The following POGZ variants were observed in gnomAD, a reference collection of about 807,000 sequenced individuals.
The protein encoded by POGZ is pogo transposable element derived with ZNF domain, also known as pogo transposable element with ZNF domain.
In POGZ, 17 loss-of-function variants were observed where a neutral mutation model predicts 134.6. The ratio of observed to expected loss-of-function variants is 0.13; its 90% CI spans 0.09 to 0.19. POGZ has a LOEUF of 0.19. Ranked by LOEUF, POGZ falls within the 10% of genes least tolerant of loss-of-function variation. The pLI, the probability that POGZ is intolerant of heterozygous loss-of-function variation, is 1.00. For synonymous variants in POGZ, 693 were observed against 657.1 expected (o/e 1.05, Z -0.84); for missense variants, 1,306 against 1,769.7 (o/e 0.74, Z 4.70).
intron 10 of POGZ, among the ~76,000 whole-genome samples, chr1:151,422,844 G>A (rs1295893773): frequency 2.6e-5 from 4 of 152,200 alleles, no homozygotes; most frequent in African/African-American, 9.6e-5. Flanking sequence ...TGCCTGCTTC[G>A]GCCTCCCAAA....
intron 1 of POGZ, among the ~76,000 whole-genome samples, chr1:151,456,060 A>G (rs1484260753): frequency 6.6e-6 from 1 of 152,066 alleles, no homozygotes; most frequent in South Asian, 2.1e-4. Context: ...AGTTTCTTAA[A>G]GGACAGTTAA....
chr1:151,414,500 T>C (rs1224154567), intron 10 of POGZ, among the ~76,000 whole-genome samples: 1 of 152,238 alleles, frequency 6.6e-6, no homozygotes, highest in African/African-American at 2.4e-5. Context: ...TTACATGTGT[T>C]GGCTGGGCAC....
chr1:151,432,988 T>C (rs1272091623), intron 3 of POGZ, among the ~76,000 whole-genome samples: 1 of 152,254 alleles, frequency 6.6e-6, no homozygotes, highest in Non-Finnish European at 1.5e-5. Context: ...AAATTTATGG[T>C]TGAAAAATAT....
At chr1:151,424,706 TTCTCCTGTGTGGTTTCAAAA>T (rs1157521958) in intron 8 of POGZ, among the ~76,000 whole-genome samples, 1 of 152,238 alleles carries the variant, frequency 6.6e-6, no homozygotes, top group African/African-American at 2.4e-5. Context: ...TATAAACCTG[TTCTCCTGTGTGGTTTCAAAA>T]TCTACCACAC....
At chr1:151,407,120 A>T (rs1178943603) in intron 16 of POGZ, 97 bp from the exon 17 acceptor site, 3 of 1,206,544 alleles carry the variant, frequency 2.5e-6, no homozygotes, top group Admixed American at 2.0e-5. Context: ...ATGCCCTCCC[A>T]CTTTCTCCTT....
chr1:151,442,473 G>A (rs1660686728), intron 1 of POGZ: 1 of 243,748 alleles, frequency 4.1e-6, no homozygotes, highest in Non-Finnish European at 7.9e-6. Flanking sequence ...ATTTTGGGAA[G>A]CCGAGGGAGG....
Position 151,406,313 on chromosome 1 carries a change from G to A in POGZ, c.2722C>T (p.Leu908Phe). ...EELLTPLAPALPSPASTATPP... is the reference protein window; with the variant it reads ...EELLTPLAPAFPSPASTATPP... ...GTTGCAGTTGAGGCTGGTGATGGGA[G>A]TGCTGGGGCTAAGGGAGTTAGTAGC... Residue 908 changes from leucine (L) to phenylalanine (F), a missense_variant, in exon 19 of 19, where the codon CTC becomes TTC. Around this residue, in one of 10 missense-constraint regions of POGZ, gnomAD observed 214 missense variants for 255.5 expected, o/e 0.84. Transcript: ENST00000271715. 1 of 1,610,422 alleles carries A rather than the reference G, an allele frequency of 6.2e-7. No homozygotes were observed. Among genetic ancestry groups the A allele is most frequent in the African/African-American group, 1.3e-5 (1 of 74,972 alleles).
chr1:151,455,948 G>A (rs1171722456), intron 1 of POGZ, among the ~76,000 whole-genome samples: 2 of 136,930 alleles, frequency 1.5e-5, no homozygotes, highest in African/African-American at 2.8e-5. Context: ...TCACTATGCT[G>A]ACCAGGCTCA....
At chr1:151,455,549 T>G (rs1024700830) in intron 1 of POGZ, among the ~76,000 whole-genome samples, 6 of 152,252 alleles carry the variant, frequency 3.9e-5, no homozygotes, top group African/African-American at 1.4e-4. Flanking sequence ...TATGTGAATT[T>G]TATCTTTCCA....
intron 1 of POGZ, among the ~76,000 whole-genome samples, chr1:151,447,758 G>A (rs532031270): frequency 4.0e-5 from 6 of 150,270 alleles, no homozygotes; most frequent in African/African-American, 1.5e-4. Context: ...CCAAAGTGCT[G>A]GGATTATAGG....
chr1:151,434,103 G>GT (rs1327244748), intron 3 of POGZ, among the ~76,000 whole-genome samples: 1 of 152,192 alleles, frequency 6.6e-6, no homozygotes. Flanking sequence ...GAGGTCAAGA[G>GT]TTTGAGACCA....
At position 151,406,945 on chromosome 1, in the gene POGZ, G is replaced by C. The variant is rs141399107; in HGVS notation, c.2511C>G (p.Asn837Lys). The C allele has an allele frequency of 2.5e-5, 41 of 1,614,062 alleles. No individual in the cohort carries two copies. In the African/African-American group the frequency reaches 4.4e-4, roughly 17 times the overall value. ...GGATGCTGCTGGATCTGTGAGAGGGGTTGAATACCAAATGCTTGGCCATAG... is the reference window on the plus strand; with the variant it reads ...GGATGCTGCTGGATCTGTGAGAGGGCTTGAATACCAAATGCTTGGCCATAG... Reference protein sequence around the residue: ...GDAMAKHLVFNPSHRSSSILP... With the variant: ...GDAMAKHLVFKPSHRSSSILP... The change falls in exon 17 of 19, where the codon AAC (asparagine) becomes AAG (lysine). Residue 837 changes from asparagine (N) to lysine (K), a missense_variant. Around this residue, in one of 10 missense-constraint regions of POGZ, gnomAD observed 214 missense variants for 255.5 expected, o/e 0.84. Coordinates refer to ENST00000271715, the MANE Select transcript of POGZ (RefSeq NM_015100.4).
intron 10 of POGZ, among the ~76,000 whole-genome samples, chr1:151,419,348 C>T (rs1424808419): frequency 6.6e-6 from 1 of 150,712 alleles, no homozygotes; most frequent in Non-Finnish European, 1.5e-5. Context: ...GGTGACAGAG[C>T]GATTGTCTCC....
intron 3 of POGZ, among the ~76,000 whole-genome samples, chr1:151,439,500 C>T (rs1571523576): frequency 6.6e-6 from 1 of 152,282 alleles, no homozygotes; most frequent in Non-Finnish European, 1.5e-5. Flanking sequence ...AACTTGACAA[C>T]GTCTATCAAA....
chr1:151,458,572 G>A (rs1304088068), intron 1 of POGZ, among the ~76,000 whole-genome samples: 3 of 150,702 alleles, frequency 2.0e-5, no homozygotes, highest in Admixed American at 6.6e-5. Context: ...GGGCGGGGAG[G>A]GCCGCGCACC....
chr1:151,456,338 CTTT>C (rs1383997447), intron 1 of POGZ, among the ~76,000 whole-genome samples: 2 of 152,132 alleles, frequency 1.3e-5, no homozygotes, highest in African/African-American at 4.8e-5. Flanking sequence ...CAGCTGTCAA[CTTT>C]TTAAAAATTC....
At chr1:151,419,683 A>AAC (rs1656530473) in intron 10 of POGZ, among the ~76,000 whole-genome samples, 2 of 148,300 alleles carry the variant, frequency 1.3e-5, no homozygotes, top group Non-Finnish European at 1.5e-5. Flanking sequence ...AAAAAAAAAA[A>AAC]AAAAAAAAAA....
chr1:151,445,671 G>A lies in POGZ; in HGVS notation c.-1-3466C>T, dbSNP rs1008448798. On this transcript the variant is annotated intron_variant, in intron 1 of 18. Transcript: ENST00000271715. ...GGTTTGTCAACTCAGAAAATATTAG[G>A]TCTGCTGACTGAACATATTTCACAG... is the stretch of plus-strand genomic sequence containing the variant. 2.4e-4 allele frequency among the ~76,000 whole-genome samples: 37 copies of A among 151,840 alleles called. 1 individual carries two copies. Among genetic ancestry groups the A allele is most frequent in the Admixed American group, 2.4e-3 (37 of 15,244 alleles).
Position 151,427,829 on chromosome 1 carries a change from T to C in POGZ, c.1072A>G (p.Met358Val), listed in dbSNP as rs574158925. ...GTCTTTCAGGTTATTGTACCTTTCA[T>C]TGAAGACTCAGGTCCGCTGGTTCTT... Reference protein sequence around the residue: ...SQRTSGPESSMKVTSSIPVFD... With the variant: ...SQRTSGPESSVKVTSSIPVFD... Residue 358 changes from methionine to valine, a missense_variant, in exon 7 of 19, where the codon ATG becomes GTG. Coordinates refer to ENST00000271715, the MANE Select transcript of POGZ (RefSeq NM_015100.4). 59 of 1,608,612 alleles carry C rather than the reference T, an allele frequency of 3.7e-5. No homozygotes were observed. The highest frequency in any genetic ancestry group is 7.7e-5 in the South Asian group (7 of 90,904).
Sources: allele counts gnomAD v4.1 joint callset (sites outside exome capture counted in the v4.1 genomes callset), GRCh38; gene constraint gnomAD v4.1.1; regional missense constraint gnomAD v4.1.1; transcripts MANE v1.5; gene names NCBI Gene and HGNC (gene_info 2026-07-23, HGNC 2026-07-21).